CREB5: variants seen among roughly 807,000 people sequenced by gnomAD.
The protein encoded by CREB5 is cAMP responsive element binding protein 5.
A neutral mutation model predicts 57.1 loss-of-function variants in CREB5; 19 were observed. That is an observed-to-expected ratio of 0.33 (90% CI 0.23 to 0.49). The LOEUF (loss-of-function observed/expected upper bound fraction) is 0.49, where lower values mean the gene tolerates loss of function less well. CREB5 is among the 20% of genes least tolerant of loss of function. CREB5 has a pLI of 0.99. For missense variants in CREB5, 579 were observed against 671.6 expected, an observed-to-expected ratio of 0.86 and a Z score of 1.52; for synonymous variants, 238 against 238.3, an observed-to-expected ratio of 1.00 and a Z score of 0.01.
In CREB5 at chr7:28,507,711, G is replaced by C. The variant is rs768663791; in HGVS notation, c.265G>C (p.Ala89Pro). The change falls in exon 4 of 11, where the codon GCT becomes CCT. Residue 89 changes from alanine to proline, a missense_variant. Ala to Pro is a conservative substitution (Grantham distance 27, BLOSUM62 -1). Transcript: ENST00000357727. ...CTCCCTGGAGCACGAGTTCAGGAAG[G>C]CTCAGGAAGAGGAGAGCAGCAAGCG... Reference protein sequence around the residue: ...DCSLEHEFRKAQEEESSKRNI... With the variant: ...DCSLEHEFRKPQEEESSKRNI... 5.0e-6 allele frequency: 8 copies of C among 1,608,704 alleles called. No homozygotes were observed. Among genetic ancestry groups the C allele is most frequent in the Non-Finnish European group, 6.8e-6 (8 of 1,175,592 alleles).
At chr7:28,329,081 G>A (rs1374547617) in intron 1 of CREB5, among the ~76,000 whole-genome samples, 1 of 152,200 alleles carries the variant, frequency 6.6e-6, no homozygotes, top group African/African-American at 2.4e-5. Flanking sequence ...TCTCTGTTCA[G>A]AGGAATATCT....
chr7:28,789,144 A>G (rs1191125863), intron 7 of CREB5, among the ~76,000 whole-genome samples: 1 of 152,230 alleles, frequency 6.6e-6, no homozygotes, highest in Non-Finnish European at 1.5e-5. Flanking sequence ...CAGAATACAC[A>G]GAAACCACCT....
chr7:28,585,635 A>T (rs1796278450), intron 5 of CREB5, among the ~76,000 whole-genome samples: 2 of 152,162 alleles, frequency 1.3e-5, no homozygotes, highest in South Asian at 4.1e-4. Context: ...CCTGGCTCTG[A>T]GTGATTTAAA....
intron 5 of CREB5, among the ~76,000 whole-genome samples, chr7:28,673,733 C>T (rs1004124471): frequency 3.2e-5 from 4 of 125,252 alleles, no homozygotes; most frequent in South Asian, 2.7e-4. Context: ...AGTGCAGTGG[C>T]GTGATCTCAG....
chr7:28,487,412 C>A, intron 1 of CREB5, among the ~76,000 whole-genome samples: 1 of 152,132 alleles, frequency 6.6e-6, no homozygotes, highest in East Asian at 1.9e-4. Flanking sequence ...CTACCTTATT[C>A]CAGATGATGT....
At chr7:28,630,469 C>A (rs980928097) in intron 5 of CREB5, among the ~76,000 whole-genome samples, 1 of 152,120 alleles carries the variant, frequency 6.6e-6, no homozygotes, top group Non-Finnish European at 1.5e-5. Context: ...TTTTTGGAAA[C>A]CCATGAATAC....
At chr7:28,440,802 G>T (rs904339552) in intron 1 of CREB5, among the ~76,000 whole-genome samples, 1 of 152,130 alleles carries the variant, frequency 6.6e-6, no homozygotes, top group African/African-American at 2.4e-5. Context: ...ATCAGGTGGC[G>T]TGGAGTTCAG....
At chr7:28,464,470 C>T (rs186082925) in intron 1 of CREB5, among the ~76,000 whole-genome samples, 2 of 148,270 alleles carry the variant, frequency 1.3e-5, no homozygotes, top group East Asian at 4.0e-4. Flanking sequence ...GCCATCTGGG[C>T]CTGATCTCTC....
At chr7:28,342,381 A>G (rs564644235) in intron 1 of CREB5, among the ~76,000 whole-genome samples, 2 of 152,178 alleles carry the variant, frequency 1.3e-5, no homozygotes, top group Admixed American at 1.3e-4. Flanking sequence ...CATACAAGAT[A>G]TCAACTTCAT....
At chr7:28,790,476 A>AGG (rs1807627809) in intron 7 of CREB5, among the ~76,000 whole-genome samples, 2 of 133,500 alleles carry the variant, frequency 1.5e-5, no homozygotes, top group Admixed American at 1.5e-4. Flanking sequence ...GAGAGAGAGA[A>AGG]AGAAAGAAAG....
intron 7 of CREB5, among the ~76,000 whole-genome samples, chr7:28,764,448 T>C (rs1035898366): frequency 6.6e-5 from 10 of 152,078 alleles, no homozygotes; most frequent in African/African-American, 2.4e-4. Context: ...TTTGCCAAGC[T>C]ATAAAATTCA....
chr7:28,329,370 G>A (rs1260656136), intron 1 of CREB5, among the ~76,000 whole-genome samples: 2 of 152,174 alleles, frequency 1.3e-5, no homozygotes, highest in Non-Finnish European at 2.9e-5. Flanking sequence ...AATTTCTAGA[G>A]TTCATCCTCC....
chr7:28,307,119 T>A (rs1298370020), intron 1 of CREB5, among the ~76,000 whole-genome samples: 3 of 152,222 alleles, frequency 2.0e-5, no homozygotes, highest in Non-Finnish European at 4.4e-5. Flanking sequence ...GGATGTCAGA[T>A]GCCCTTGCCC....
intron 4 of CREB5, among the ~76,000 whole-genome samples, chr7:28,543,579 A>AT (rs1491309101): frequency 2.0e-5 from 1 of 50,902 alleles, no homozygotes; most frequent in Non-Finnish European, 3.4e-5. Flanking sequence ...CATTTTAGGT[A>AT]AAAAAAAAAA....
intron 1 of CREB5, among the ~76,000 whole-genome samples, chr7:28,308,990 G>A (rs1785232359): frequency 6.6e-6 from 1 of 152,192 alleles, no homozygotes; most frequent in Admixed American, 6.5e-5. Context: ...CAGCTGAGTA[G>A]AACAAAAAGA....
chr7:28,716,593 A>G (rs1219239829), intron 5 of CREB5, among the ~76,000 whole-genome samples: 1 of 152,206 alleles, frequency 6.6e-6, no homozygotes. Flanking sequence ...CGGATTATTT[A>G]TCTTGGATTT....
At chr7:28,759,080 G>T (rs539315719) in intron 7 of CREB5, among the ~76,000 whole-genome samples, 1 of 152,260 alleles carries the variant, frequency 6.6e-6, no homozygotes, top group Non-Finnish European at 1.5e-5. Flanking sequence ...AGATTATTCA[G>T]GCAATGGATA....
At position 28,560,881 on chromosome 7, in the gene CREB5, TGCGTGC is replaced by T. The variant is rs1554344373; in HGVS notation, c.292-9482_292-9477del. Reference sequence around the variant, plus strand: ...GTGCGTGTGCCTGCGTGCGCGTGCGTGCGTGCGTGTGTGTGCGTGCGCGCGTGCGTG... The same window carrying T: ...GTGCGTGTGCCTGCGTGCGCGTGCGTGTGTGTGTGCGTGCGCGCGTGCGTG... On this transcript the variant is annotated intron_variant, in intron 4 of 10. Transcript: ENST00000357727. Among the ~76,000 whole-genome samples the T allele has an allele frequency of 1.4e-3, 65 of 46,196 alleles. 4 individuals are homozygous for T. The highest frequency in any genetic ancestry group is 5.4e-3 in the African/African-American group (50 of 9,332). The allele number at this position is 46,196 out of a possible 152,430, so 30.3% of individuals were successfully genotyped here. A position where few individuals can be genotyped will look rare whatever the true frequency, so the allele number is the denominator to read the frequency against.
intron 4 of CREB5, among the ~76,000 whole-genome samples, chr7:28,517,580 G>T (rs1318170914): frequency 6.6e-6 from 1 of 152,158 alleles, no homozygotes; most frequent in East Asian, 1.9e-4. Context: ...TGAATTACTG[G>T]TACCTATGTT....
Sources: gnomAD v4.1 joint callset for allele counts (sites outside exome capture counted in the v4.1 genomes callset) on GRCh38, gnomAD v4.1.1 for gene constraint, MANE v1.5 for transcripts, NCBI Gene and HGNC (gene_info 2026-07-23, HGNC 2026-07-21) for gene names.